Variants in GALNT13 observed in about 807,000 individuals in gnomAD.
GALNT13 encodes the protein UDP-GalNAc:polypeptide N-acetylgalactosaminyltransferase 13.
A neutral mutation model predicts 64.2 loss-of-function variants in GALNT13; 28 were observed. The observed-to-expected ratio is 0.44, with a 90% CI of 0.32 to 0.60. GALNT13 has a LOEUF of 0.60. Among genes scored for constraint, GALNT13 ranks in the 20% least tolerant of loss-of-function variants. GALNT13 has a pLI of 0.05. For synonymous variants in GALNT13, 214 were observed against 224.6 expected (o/e 0.95, Z 0.42); for missense variants, 577 against 669.8 (o/e 0.86, Z 1.53).
the GALNT13 span, among the ~76,000 whole-genome samples, chr2:153,731,848 G>T: frequency 6.6e-6 from 1 of 151,868 alleles, no homozygotes; most frequent in Admixed American, 6.6e-5. Context: ...ATCCTTGCCA[G>T]ATATAAGACT....
At chr2:154,236,019 AT>A in intron 4 of GALNT13, 4 of 1,210,114 alleles carry the variant, frequency 3.3e-6, no homozygotes, top group African/African-American at 1.6e-5. Flanking sequence ...AGCTGGATTT[AT>A]TTTTTATATA....
chr2:153,755,318 A>C, the GALNT13 span, among the ~76,000 whole-genome samples: 1 of 151,886 alleles, frequency 6.6e-6, no homozygotes, highest in African/African-American at 2.4e-5. Context: ...TAGTTTTTTG[A>C]GGAACTCTAT....
chr2:153,780,236 T>TGC, the GALNT13 span, among the ~76,000 whole-genome samples: 3 of 11,212 alleles, frequency 2.7e-4, no homozygotes, highest in Admixed American at 1.6e-3. Flanking sequence ...TATATATATA[T>TGC]ATATATATAT....
chr2:153,852,091 T>C, the GALNT13 span, among the ~76,000 whole-genome samples: 1 of 151,942 alleles, frequency 6.6e-6, no homozygotes, highest in African/African-American at 2.4e-5. Context: ...GGCATAAAAC[T>C]ACGGAAATTG....
the GALNT13 span, among the ~76,000 whole-genome samples, chr2:153,404,515 T>C: frequency 1.0e-5 from 1 of 95,534 alleles, no homozygotes; most frequent in Non-Finnish European, 2.1e-5. Context: ...TTTCAAAAGA[T>C]TTTTTTTTTA....
At chr2:153,905,392 T>G (rs1688493322) in intron 2 of GALNT13, among the ~76,000 whole-genome samples, 1 of 152,006 alleles carries the variant, frequency 6.6e-6, no homozygotes. Context: ...TATATATACA[T>G]ACCTCTGATA....
the GALNT13 span, among the ~76,000 whole-genome samples, chr2:153,102,637 G>A: frequency 1.1e-4 from 17 of 152,086 alleles, no homozygotes; most frequent in African/African-American, 4.1e-4. Context: ...AACGTTTGAG[G>A]TAGCAAATAA....
chr2:153,494,721 G>A, the GALNT13 span, among the ~76,000 whole-genome samples: 6 of 152,050 alleles, frequency 3.9e-5, no homozygotes, highest in African/African-American at 1.2e-4. Flanking sequence ...TGAAAGGAAA[G>A]TATAAGTAAT....
rs1050164830 is a variant in GALNT13 at position 154,022,979 on chromosome 2, G to A, written c.142+78340G>A. Among the ~76,000 whole-genome samples the A allele has an allele frequency of 3.9e-5, 6 of 152,122 alleles. No homozygotes were observed. In the South Asian group the frequency reaches 6.2e-4, roughly 16 times the overall value. ...CCCAGTTGTCATTCAGGAGCAGGTC[G>A]TTCAGATTCTATGTAGTTGAGCGGT... On this transcript the variant is annotated intron_variant, in intron 3 of 12. Transcript: ENST00000392825.
chr2:154,012,930 C>T (rs904935262), intron 3 of GALNT13, among the ~76,000 whole-genome samples: 8 of 151,802 alleles, frequency 5.3e-5, no homozygotes, highest in Non-Finnish European at 7.4e-5. Context: ...TATCTTAAAA[C>T]GGCCATTTCT....
chr2:153,650,439 T>C, the GALNT13 span, among the ~76,000 whole-genome samples: 1 of 152,238 alleles, frequency 6.6e-6, no homozygotes, highest in Non-Finnish European at 1.5e-5. Flanking sequence ...CTGTGTCTTT[T>C]AATTGGAGCA....
At chr2:153,883,567 A>G (rs1392230469) in intron 1 of GALNT13, among the ~76,000 whole-genome samples, 4 of 152,106 alleles carry the variant, frequency 2.6e-5, no homozygotes, top group Non-Finnish European at 4.4e-5. Context: ...TAAGAAAAAC[A>G]GAAAGACATG....
intron 3 of GALNT13, among the ~76,000 whole-genome samples, chr2:153,998,149 G>A (rs1695649570): frequency 6.6e-6 from 1 of 152,040 alleles, no homozygotes; most frequent in Non-Finnish European, 1.5e-5. Flanking sequence ...AATCTTTTGG[G>A]TATATATCTA....
At chr2:153,374,366 T>C in the GALNT13 span, among the ~76,000 whole-genome samples, 1 of 152,186 alleles carries the variant, frequency 6.6e-6, no homozygotes, top group South Asian at 2.1e-4. Flanking sequence ...ATGTACTTAT[T>C]AGCCATTGAT....
the GALNT13 span, among the ~76,000 whole-genome samples, chr2:153,249,393 GA>G: frequency 6.6e-6 from 1 of 151,952 alleles, no homozygotes; most frequent in African/African-American, 2.4e-5. Context: ...AAATCAATGG[GA>G]AAAAATTTCA....
At chr2:153,976,468 T>C (rs1297685061) in intron 3 of GALNT13, among the ~76,000 whole-genome samples, 5 of 152,252 alleles carry the variant, frequency 3.3e-5, no homozygotes, top group Non-Finnish European at 5.9e-5. Flanking sequence ...TCTGGATGTC[T>C]TCTGTTCCTA....
intron 3 of GALNT13, among the ~76,000 whole-genome samples, chr2:153,997,836 C>G (rs1695625403): frequency 6.6e-6 from 1 of 152,060 alleles, no homozygotes; most frequent in Admixed American, 6.6e-5. Flanking sequence ...GTGTTCCCCT[C>G]CCTGTGTCCA....
At chr2:153,304,340 G>A in the GALNT13 span, among the ~76,000 whole-genome samples, 4 of 152,070 alleles carry the variant, frequency 2.6e-5, 1 homozygote, top group Non-Finnish European at 1.5e-5. Flanking sequence ...ACCTATAGAT[G>A]AACTTAATTG....
At chr2:153,280,302 C>T in the GALNT13 span, among the ~76,000 whole-genome samples, 1 of 151,928 alleles carries the variant, frequency 6.6e-6, no homozygotes, top group African/African-American at 2.4e-5. Flanking sequence ...TTTCTTTAAC[C>T]TTTCAAAAAA....
Sources: allele counts gnomAD v4.1 joint callset (sites outside exome capture counted in the v4.1 genomes callset), GRCh38; gene constraint gnomAD v4.1.1; transcripts MANE v1.5; gene names NCBI Gene and HGNC (gene_info 2026-07-23, HGNC 2026-07-21).